SDHAF3: variants seen among roughly 807,000 people sequenced by gnomAD.
SDHAF3 encodes succinate dehydrogenase complex assembly factor 3, also known as succinate dehydrogenase assembly factor 3, mitochondrial.
In SDHAF3, 18 loss-of-function variants were observed where a neutral mutation model predicts 11.5. The observed-to-expected ratio is 1.56, with a 90% confidence interval of 1.08 to 2.32. The LOEUF (loss-of-function observed/expected upper bound fraction) is 2.32. Among genes scored for constraint, SDHAF3 ranks in the 30% most tolerant of loss-of-function variants. The pLI is 0.00. For synonymous variants in SDHAF3, 72 were observed against 59.3 expected, an observed-to-expected ratio of 1.21 and a Z score of -0.99; for missense variants, 200 against 154.4, an observed-to-expected ratio of 1.30 and a Z score of -1.57.
chr7:97,161,432 CTTA>C (rs1278886046), intron 1 of SDHAF3, among the ~76,000 whole-genome samples: 3 of 152,054 alleles, frequency 2.0e-5, no homozygotes, highest in East Asian at 1.9e-4. Context: ...CTGCTGGTTT[CTTA>C]TTATTCATTT....
At chr7:97,163,897 TC>T (rs1188309047) in intron 1 of SDHAF3, among the ~76,000 whole-genome samples, 3 of 152,054 alleles carry the variant, frequency 2.0e-5, no homozygotes, top group Non-Finnish European at 4.4e-5. Flanking sequence ...ATTTTATTTC[TC>T]CTCCACTTAC....
intron 1 of SDHAF3, among the ~76,000 whole-genome samples, chr7:97,124,649 G>C (rs1396951071): frequency 6.6e-6 from 1 of 152,050 alleles, no homozygotes; most frequent in Non-Finnish European, 1.5e-5. Flanking sequence ...TTTTCCATTT[G>C]TTTGTGTCCT....
intron 1 of SDHAF3, among the ~76,000 whole-genome samples, chr7:97,131,021 A>G (rs1033704338): frequency 6.6e-6 from 1 of 152,194 alleles, no homozygotes; most frequent in Admixed American, 6.5e-5. Flanking sequence ...AGTCAGTTTC[A>G]TTGGACCTGC....
chr7:97,164,399 T>C (rs901863898), intron 1 of SDHAF3, among the ~76,000 whole-genome samples: 8 of 148,754 alleles, frequency 5.4e-5, no homozygotes, highest in East Asian at 3.9e-4. Context: ...TTTTTTTTTT[T>C]CAGACAGAGT....
chr7:97,181,332 T>G lies in SDHAF3; in HGVS notation c.*117T>G. On this transcript the variant is annotated 3_prime_UTR_variant, in exon 2 of 2. Transcript: ENST00000432641. ...CACCTGTTATTAATGAAATACTCTT[T>G]TATTTTGGATATTATGATTGCAGTA... 2 of 729,776 alleles carry G rather than the reference T, an allele frequency of 2.7e-6. No homozygotes were observed. The highest frequency in any genetic ancestry group is 4.4e-6 in the Non-Finnish European group (2 of 454,058). 45.2% of individuals were successfully genotyped at this position (729,776 alleles called of 1,614,324 possible).
intron 1 of SDHAF3, among the ~76,000 whole-genome samples, chr7:97,162,369 G>A (rs1789427462): frequency 6.6e-6 from 1 of 151,816 alleles, no homozygotes; most frequent in African/African-American, 2.4e-5. Context: ...GGGTTTTTGT[G>A]TCTCTATCTC....
intron 1 of SDHAF3, among the ~76,000 whole-genome samples, chr7:97,120,517 C>CA (rs1251051748): frequency 6.6e-6 from 1 of 151,754 alleles, no homozygotes; most frequent in Non-Finnish European, 1.5e-5. Flanking sequence ...TTCAAAATAT[C>CA]TAATTTATGA....
At chr7:97,144,543 T>C (rs897956184) in intron 1 of SDHAF3, among the ~76,000 whole-genome samples, 5 of 152,224 alleles carry the variant, frequency 3.3e-5, no homozygotes, top group Non-Finnish European at 7.3e-5. Flanking sequence ...GCTAGCCAAT[T>C]ATTCTAGCAC....
chr7:97,175,071 G>A (rs78380657), intron 1 of SDHAF3, among the ~76,000 whole-genome samples: 3,808 of 152,158 alleles, frequency 0.025, 146 homozygotes, highest in African/African-American at 0.087. Flanking sequence ...CAGAAGACAT[G>A]TAATATCTGG....
intron 1 of SDHAF3, among the ~76,000 whole-genome samples, chr7:97,130,557 C>T (rs938189260): frequency 2.0e-4 from 30 of 152,138 alleles, no homozygotes; most frequent in African/African-American, 7.2e-4. Context: ...TTCATTCCCA[C>T]TGCCCTGCTC....
intron 1 of SDHAF3, among the ~76,000 whole-genome samples, chr7:97,169,097 C>CGGATCACTTGAGGTCAGGAGGCT (rs1562830967): frequency 2.6e-5 from 4 of 152,080 alleles, no homozygotes; most frequent in African/African-American, 4.8e-5. Context: ...TTTGGGAGGC[C>CGGATCACTTGAGGTCAGGAGGCT]GACGGATCAC....
intron 1 of SDHAF3, among the ~76,000 whole-genome samples, chr7:97,178,366 TCA>T (rs1371331655): frequency 6.6e-6 from 1 of 152,220 alleles, no homozygotes; most frequent in Non-Finnish European, 1.5e-5. Context: ...GTTCCTGTTC[TCA>T]GTTATTTTGG....
At chr7:97,171,969 G>A (rs1361951285) in intron 1 of SDHAF3, among the ~76,000 whole-genome samples, 3 of 152,082 alleles carry the variant, frequency 2.0e-5, no homozygotes, top group Non-Finnish European at 4.4e-5. Flanking sequence ...AAATACTGGA[G>A]CTGTAATTTC....
intron 1 of SDHAF3, chr7:97,142,530 A>C (rs528831746): frequency 6.6e-6 from 1 of 152,182 alleles, no homozygotes; most frequent in Admixed American, 6.5e-5. Flanking sequence ...TAGCTGGTTC[A>C]GTTTTTAATT....
At chr7:97,158,096 C>G (rs1292320228) in intron 1 of SDHAF3, among the ~76,000 whole-genome samples, 2 of 151,138 alleles carry the variant, frequency 1.3e-5, no homozygotes, top group Non-Finnish European at 3.0e-5. Context: ...TGTAACTAAC[C>G]TGCACGTTGT....
At chr7:97,126,013 G>C (rs2115623415) in intron 1 of SDHAF3, among the ~76,000 whole-genome samples, 1 of 152,310 alleles carries the variant, frequency 6.6e-6, no homozygotes, top group African/African-American at 2.4e-5. Flanking sequence ...TTTTGTTGCT[G>C]TTCATGTTGC....
intron 1 of SDHAF3, among the ~76,000 whole-genome samples, chr7:97,140,938 T>A (rs1789024834): frequency 6.6e-6 from 1 of 152,238 alleles, no homozygotes; most frequent in South Asian, 2.1e-4. Context: ...GCCATATTTC[T>A]CTTCTTTCAA....
intron 1 of SDHAF3, among the ~76,000 whole-genome samples, chr7:97,160,284 T>G (rs1465112114): frequency 7.2e-6 from 1 of 139,822 alleles, no homozygotes; most frequent in African/African-American, 2.7e-5. Context: ...GAGGAGCGCC[T>G]CTGCCCGGCC....
chr7:97,156,415 A>G (rs1003299242), intron 1 of SDHAF3, among the ~76,000 whole-genome samples: 2 of 152,184 alleles, frequency 1.3e-5, no homozygotes, highest in African/African-American at 2.4e-5. Flanking sequence ...ATGAGCTTGC[A>G]CTAATAGTTG....
Sources: allele counts gnomAD v4.1 joint callset (sites outside exome capture counted in the v4.1 genomes callset), GRCh38; gene constraint gnomAD v4.1.1; transcripts MANE v1.5; gene names NCBI Gene and HGNC (gene_info 2026-07-23, HGNC 2026-07-21).